Variants in SCAF8 observed in about 807,000 individuals in gnomAD.
SCAF8 encodes SR-related and CTD-associated factor 8.
SCAF8 carries 23 observed loss-of-function variants against 140.5 expected under a neutral mutation model. That is an observed-to-expected ratio of 0.16 (90% CI 0.12 to 0.23). SCAF8 has a LOEUF of 0.23. SCAF8 is among the 10% of genes least tolerant of loss of function. The pLI, the probability that SCAF8 is intolerant of heterozygous loss-of-function variation, is 1.00. For synonymous variants in SCAF8, 575 were observed against 528.9 expected (o/e 1.09, Z -1.20); for missense variants, 1,397 against 1,555.7 (o/e 0.90, Z 1.72).
At chr6:154,815,154 G>A (rs1778210215) in intron 12 of SCAF8, among the ~76,000 whole-genome samples, 2 of 152,094 alleles carry the variant, frequency 1.3e-5, no homozygotes. Flanking sequence ...AAAATTAGCC[G>A]GGTGTGGTGG....
chr6:154,816,461 C>G lies in SCAF8; in HGVS notation c.1521+645C>G, dbSNP rs181039971. Reference sequence around the variant, plus strand: ...AGGCCTGATGCTTTTCCCTGAGGGTCAGACATCTTTGGTTAGCTATTTTAA... The same window carrying G: ...AGGCCTGATGCTTTTCCCTGAGGGTGAGACATCTTTGGTTAGCTATTTTAA... On this transcript the variant is annotated intron_variant, in intron 13 of 19. Transcript: ENST00000367178. Among the ~76,000 whole-genome samples the G allele has an allele frequency of 8.5e-5, 13 of 152,238 alleles. No homozygotes were observed. In the East Asian group the frequency reaches 2.3e-3, roughly 27 times the overall value.
intron 1 of SCAF8, among the ~76,000 whole-genome samples, chr6:154,734,498 A>G (rs1778356273): frequency 6.6e-6 from 1 of 152,222 alleles, no homozygotes; most frequent in South Asian, 2.1e-4. Flanking sequence ...GTAGGCAGGC[A>G]AAGGTTATTC....
intron 7 of SCAF8, 147 bp from the exon 8 acceptor site, chr6:154,803,395 CTT>C (rs1374510525): frequency 4.5e-6 from 3 of 661,326 alleles, no homozygotes; most frequent in Non-Finnish European, 8.0e-6. Flanking sequence ...ACTCAAAACA[CTT>C]TATAATAGTA....
intron 18 of SCAF8, among the ~76,000 whole-genome samples, chr6:154,830,181 T>TGACC (rs1402412332): frequency 6.6e-6 from 1 of 152,242 alleles, no homozygotes; most frequent in African/African-American, 2.4e-5. Context: ...TTCTTGTGCA[T>TGACC]GACCACAGGT....
At chr6:154,823,164 G>A (rs1778468056) in intron 16 of SCAF8, among the ~76,000 whole-genome samples, 1 of 152,162 alleles carries the variant, frequency 6.6e-6, no homozygotes, top group Non-Finnish European at 1.5e-5. Flanking sequence ...CTAGAATAAA[G>A]CCAGTCCTCT....
intron 1 of SCAF8, among the ~76,000 whole-genome samples, chr6:154,771,271 G>A (rs1035689118): frequency 6.6e-6 from 1 of 152,222 alleles, no homozygotes; most frequent in Non-Finnish European, 1.5e-5. Context: ...GGGAGGTCGG[G>A]AAGCCTTTCC....
At chr6:154,736,738 C>T (rs138979048) in intron 1 of SCAF8, among the ~76,000 whole-genome samples, 1 of 152,084 alleles carries the variant, frequency 6.6e-6, no homozygotes, top group African/African-American at 2.4e-5. Context: ...GGTGTTTCAC[C>T]TGTTTTCTCA....
intron 2 of SCAF8, 66 bp downstream of exon 2, chr6:154,774,138 A>G (rs373472755): frequency 1.9e-6 from 2 of 1,048,452 alleles, no homozygotes; most frequent in Non-Finnish European, 1.5e-6. Context: ...TGGATGGGGG[A>G]TAATTTTTTT....
rs1199111443 is a variant in SCAF8, at chr6:154,733,517, C to G, written c.-384C>G. On this transcript the variant is annotated 5_prime_UTR_variant, in exon 1 of 20. Transcript: ENST00000367178. The stretch of plus-strand genomic sequence containing the variant: ...AGCGGCGGGGAGGTGAAACAGGAGC[C>G]CGTCGGAGGAAGGGGCAGAAGGGAG... 21 of 1,309,552 alleles carry G rather than the reference C, an allele frequency of 1.6e-5. No individual in the cohort carries two copies. Among genetic ancestry groups the G allele is most frequent in the South Asian group, 2.1e-5 (1 of 47,978 alleles). The allele number at this position is 1,309,552 out of a possible 1,614,324, so 81.1% of individuals were successfully genotyped here.
chr6:154,758,786 TG>T (rs1399370796), intron 1 of SCAF8, among the ~76,000 whole-genome samples: 1 of 152,158 alleles, frequency 6.6e-6, no homozygotes, highest in African/African-American at 2.4e-5. Context: ...GGTACCAGTG[TG>T]GTAACAGGGT....
At chr6:154,785,456 AAT>A (rs1272161535) in intron 3 of SCAF8, among the ~76,000 whole-genome samples, 1 of 152,170 alleles carries the variant, frequency 6.6e-6, no homozygotes, top group Non-Finnish European at 1.5e-5. Flanking sequence ...TCTTCCTCGC[AAT>A]GCATGGGTTT....
chr6:154,795,907 A>G (rs1777587717), intron 6 of SCAF8, among the ~76,000 whole-genome samples: 1 of 152,308 alleles, frequency 6.6e-6, no homozygotes, highest in African/African-American at 2.4e-5. Context: ...TTAAATGTAG[A>G]TTCTTCAAAT....
chr6:154,784,251 A>ATT (rs1777185603), intron 3 of SCAF8, among the ~76,000 whole-genome samples: 1 of 150,832 alleles, frequency 6.6e-6, no homozygotes, highest in Non-Finnish European at 1.5e-5. Flanking sequence ...ATACAAAGAG[A>ATT]TTTTTGTACA....
At chr6:154,755,296 C>T (rs1212341146) in intron 1 of SCAF8, among the ~76,000 whole-genome samples, 2 of 152,196 alleles carry the variant, frequency 1.3e-5, no homozygotes, top group African/African-American at 4.8e-5. Context: ...CTCTGTCGCC[C>T]ACACTGGCAT....
At chr6:154,817,172 CA>C (rs1562461725) in intron 13 of SCAF8, among the ~76,000 whole-genome samples, 1 of 152,178 alleles carries the variant, frequency 6.6e-6, no homozygotes, top group Non-Finnish European at 1.5e-5. Flanking sequence ...TATGTCCTGA[CA>C]TTTGAAAAAT....
Position 154,822,280 on chromosome 6 carries a change from GGAAACTGTGAAAAGCTCA to G in SCAF8, c.1801_1818del (p.Thr601_Glu606del). ...AATTTCAACTATTTTGTTTAGAGTG[GGAAACTGTGAAAAGCTCA>G]GAACCTGTTAAAGAGACGGTCCAGA... On this transcript the variant is annotated inframe_deletion, in exon 16 of 20. Transcript: ENST00000367178. 2 of 1,605,398 alleles carry G rather than the reference GGAAACTGTGAAAAGCTCA, an allele frequency of 1.2e-6. No homozygotes were observed.
chr6:154,770,780 C>G (rs963002464), intron 1 of SCAF8, among the ~76,000 whole-genome samples: 1 of 152,142 alleles, frequency 6.6e-6, no homozygotes, highest in Non-Finnish European at 1.5e-5. Context: ...AAGCCTCGCT[C>G]TGTCACCATG....
chr6:154,787,590 A>G (rs1025239947), intron 3 of SCAF8, among the ~76,000 whole-genome samples: 1 of 152,248 alleles, frequency 6.6e-6, no homozygotes, highest in Non-Finnish European at 1.5e-5. Context: ...TTTAAAAATT[A>G]TAATGGTACC....
chr6:154,829,801 G>T (rs947497466), intron 18 of SCAF8, among the ~76,000 whole-genome samples: 1 of 151,712 alleles, frequency 6.6e-6, no homozygotes, highest in African/African-American at 2.4e-5. Context: ...CAGCTACTCA[G>T]GAGGCTGAGG....
Sources: gnomAD v4.1 joint callset for allele counts (sites outside exome capture counted in the v4.1 genomes callset) on GRCh38, gnomAD v4.1.1 for gene constraint, MANE v1.5 for transcripts, NCBI Gene and HGNC (gene_info 2026-07-23, HGNC 2026-07-21) for gene names.